The following MCM6 variants were observed in gnomAD, a reference collection of about 807,000 sequenced individuals.
MCM6 encodes the protein minichromosome maintenance complex component 6.
A neutral mutation model predicts 94.3 loss-of-function variants in MCM6; 46 were observed. The observed-to-expected ratio is 0.49, with a 90% CI of 0.39 to 0.62. The LOEUF (loss-of-function observed/expected upper bound fraction) is 0.62, where lower values mean the gene tolerates loss of function less well. Among genes scored for constraint, MCM6 ranks in the 20% least tolerant of loss-of-function variants. The probability of loss-of-function intolerance (pLI) is 0.00; values close to 1 mark genes in which losing one functional copy is unlikely to be tolerated. For missense variants in MCM6, 865 were observed against 1,017.9 expected, an observed-to-expected ratio of 0.85 and a Z score of 2.04; for synonymous variants, 335 against 351.9, an observed-to-expected ratio of 0.95 and a Z score of 0.54.
In MCM6 at chr2:135,846,258, G is replaced by A. The variant is rs1272729322; in HGVS notation, c.2188C>T (p.His730Tyr). The A allele has an allele frequency of 3.7e-6, 6 of 1,614,100 alleles. No homozygotes were observed. Among genetic ancestry groups the A allele is most frequent in the Non-Finnish European group, 5.1e-6 (6 of 1,179,978 alleles). Reference sequence around the variant, plus strand: ...TCACCTTCTTCCACCTTTCTGAGGTGAAGCACAATAAGGTTAGAGATTCGG... The same window carrying A: ...TCACCTTCTTCCACCTTTCTGAGGTAAAGCACAATAAGGTTAGAGATTCGG... ...YCRISNLIVL[H>Y]LRKVEEEEDE... is the part of the protein sequence containing the mutation. Residue 730 changes from histidine to tyrosine, a missense_variant, in exon 15 of 17, where the codon CAC becomes TAC. By Grantham distance (83) the His-to-Tyr change is moderately conservative (BLOSUM62 2). Around this residue, in one of 3 missense-constraint regions of MCM6, gnomAD observed 308 missense variants for 324.5 expected, o/e 0.95. Transcript: ENST00000264156.
chr2:135,854,027 G>T (rs931572086), intron 11 of MCM6, among the ~76,000 whole-genome samples: 2 of 152,116 alleles, frequency 1.3e-5, no homozygotes, highest in African/African-American at 4.8e-5. Flanking sequence ...AGGAGTTCAA[G>T]ACCAGTCCAG....
In MCM6 at chr2:135,872,863, A is replaced by G; in HGVS notation, c.108-20T>C. On this transcript the variant is annotated intron_variant, in intron 1 of 16. Transcript: ENST00000264156. Reference sequence around the variant, plus strand: ...TGAAACCTGCAGGTACATTCGAGTCAACTAGATTAAGGACACAGGCAGTAC... The same window carrying G: ...TGAAACCTGCAGGTACATTCGAGTCGACTAGATTAAGGACACAGGCAGTAC... 1 of 1,613,132 alleles carries G rather than the reference A, an allele frequency of 6.2e-7. No individual in the cohort carries two copies. Among genetic ancestry groups the G allele is most frequent in the African/African-American group, 1.3e-5 (1 of 75,024 alleles).
intron 16 of MCM6, among the ~76,000 whole-genome samples, chr2:135,844,273 A>G (rs1433966413): frequency 1.3e-5 from 2 of 152,182 alleles, no homozygotes; most frequent in Non-Finnish European, 2.9e-5. Flanking sequence ...AAGGGCAAAT[A>G]TGAGGATGGG....
intron 8 of MCM6, among the ~76,000 whole-genome samples, chr2:135,862,169 C>T (rs1017475080): frequency 1.3e-5 from 2 of 149,934 alleles, no homozygotes; most frequent in South Asian, 2.1e-4. Context: ...TTTTTCCATG[C>T]GAAAAGAAAC....
intron 1 of MCM6, among the ~76,000 whole-genome samples, chr2:135,875,085 T>C (rs4988144): frequency 7.0e-4 from 107 of 152,152 alleles, no homozygotes; most frequent in African/African-American, 2.5e-3. Flanking sequence ...TGAAAAGAGT[T>C]TGGAGCCGGA....
chr2:135,870,690 CTG>C (rs1300823551), intron 2 of MCM6, among the ~76,000 whole-genome samples: 8 of 152,178 alleles, frequency 5.3e-5, no homozygotes, highest in Admixed American at 3.9e-4. Flanking sequence ...ATGCTCAATA[CTG>C]TGAATTTTCT....
intron 6 of MCM6, 80 bp downstream of exon 6, chr2:135,866,052 T>C: frequency 6.6e-7 from 1 of 1,510,120 alleles, no homozygotes; most frequent in Non-Finnish European, 9.0e-7. Flanking sequence ...CAGTGAGCCA[T>C]GACTTTGCCA....
intron 4 of MCM6, 84 bp downstream of exon 4, chr2:135,868,527 T>C: frequency 2.9e-6 from 4 of 1,391,464 alleles, no homozygotes; most frequent in Non-Finnish European, 3.0e-6. Flanking sequence ...GAGTTGAACA[T>C]TATCTAAATA....
In MCM6 at chr2:135,840,923, G is replaced by A. The variant is rs376251365; in HGVS notation, c.2378C>T (p.Ala793Val). 31 of 1,613,836 alleles carry A rather than the reference G, an allele frequency of 1.9e-5. No homozygotes were observed. Among genetic ancestry groups the A allele is most frequent in the Non-Finnish European group, 2.4e-5 (28 of 1,179,876 alleles). The change falls in exon 17 of 17, where the codon GCT becomes GTT. Residue 793 changes from alanine to valine, a missense_variant. Coordinates refer to ENST00000264156, the MANE Select transcript of MCM6 (RefSeq NM_005915.6). ...TCCCTCTGTGGAGCCTTTCAATCCA[G>A]CCTGGGTGAGCTCAATTAGAACATG... ...YDHVLIELTQAGLKGSTEGSE... is the reference protein window; with the variant it reads ...YDHVLIELTQVGLKGSTEGSE...
At position 135,866,294 on chromosome 2, in the gene MCM6, GGTT is replaced by G. The variant is rs759117683; in HGVS notation, c.782-20_782-18del. ...CACGTGCTCCTGAAACAGAATGATA[GGTT>G]GTTTCACAACTTAAATATTAAAGGT... On this transcript the variant is annotated intron_variant, in intron 5 of 16. Coordinates refer to ENST00000264156, the MANE Select transcript of MCM6 (RefSeq NM_005915.6). The G allele has an allele frequency of 6.2e-7, 1 of 1,612,656 alleles. No individual in the cohort carries two copies. The highest frequency in any genetic ancestry group is 8.5e-7 in the Non-Finnish European group (1 of 1,179,198).
rs545777479 is a variant in MCM6, at chr2:135,846,109, G to T, written c.2209+128C>A. On this transcript the variant is annotated intron_variant, in intron 15 of 16. Transcript: ENST00000264156. ...TACTCCACAAATTTACTTTGCTAAAGTGAGTTTATCTAACAACTTATCCTC... is the reference window on the plus strand; with the variant it reads ...TACTCCACAAATTTACTTTGCTAAATTGAGTTTATCTAACAACTTATCCTC... 6 of 875,692 alleles carry T rather than the reference G, an allele frequency of 6.9e-6. No individual in the cohort carries two copies. In the East Asian group the frequency reaches 1.0e-4, roughly 15 times the overall value. 54.2% of individuals were successfully genotyped at this position (875,692 alleles called of 1,614,324 possible).
chr2:135,850,463 G>T (rs974955075), intron 13 of MCM6, among the ~76,000 whole-genome samples: 1 of 152,102 alleles, frequency 6.6e-6, no homozygotes, highest in African/African-American at 2.4e-5. Context: ...AGCAGCAATG[G>T]AAGGCAGGGG....
At chr2:135,843,392 A>G (rs999672143) in intron 16 of MCM6, among the ~76,000 whole-genome samples, 7 of 152,164 alleles carry the variant, frequency 4.6e-5, no homozygotes, top group Non-Finnish European at 1.0e-4. Context: ...AAACCAAATG[A>G]GATCACTTAG....
intron 7 of MCM6, among the ~76,000 whole-genome samples, chr2:135,864,080 C>A (rs1287413889): frequency 6.6e-6 from 1 of 152,052 alleles, no homozygotes; most frequent in Non-Finnish European, 1.5e-5. Context: ...CACTGCACTC[C>A]AGCCTGGGCG....
Position 135,856,898 on chromosome 2 carries a change from A to C in MCM6, c.1471-15T>G, listed in dbSNP as rs1311171079. The C allele has an allele frequency of 1.4e-5, 23 of 1,605,124 alleles. No homozygotes were observed. In the East Asian group the frequency reaches 5.1e-4, roughly 36 times the overall value. On this transcript the variant is annotated splice_polypyrimidine_tract_variant and intron_variant, in intron 10 of 16. Coordinates refer to ENST00000264156, the MANE Select transcript of MCM6 (RefSeq NM_005915.6). Reference sequence around the variant, plus strand: ...TTCAGAGTAGCCTGACCACAAAAGAAAGAATCTTAACAGATTTAAATAGAC... The same window carrying C: ...TTCAGAGTAGCCTGACCACAAAAGACAGAATCTTAACAGATTTAAATAGAC...
At chr2:135,854,435 C>A (rs925627898) in intron 11 of MCM6, among the ~76,000 whole-genome samples, 14 of 136,342 alleles carry the variant, frequency 1.0e-4, no homozygotes, top group Admixed American at 9.2e-4. Context: ...GAGGCTGAGG[C>A]AGGAGAATTA....
At chr2:135,856,091 T>C (rs538233212) in intron 11 of MCM6, among the ~76,000 whole-genome samples, 2 of 150,822 alleles carry the variant, frequency 1.3e-5, no homozygotes, top group East Asian at 1.9e-4. Flanking sequence ...TCAAGGTGAC[T>C]GAAAAATAAA....
At chr2:135,842,172 TTCCAAAG>T (rs1679585120) in intron 16 of MCM6, among the ~76,000 whole-genome samples, 1 of 152,140 alleles carries the variant, frequency 6.6e-6, no homozygotes, top group African/African-American at 2.4e-5. Flanking sequence ...TCACAGTGTG[TTCCAAAG>T]TCCTGAAGCA....
At chr2:135,857,113 C>T (rs1051421461) in intron 10 of MCM6, among the ~76,000 whole-genome samples, 2 of 152,096 alleles carry the variant, frequency 1.3e-5, no homozygotes, top group African/African-American at 2.4e-5. Flanking sequence ...AAGGATGTTG[C>T]GTTCAAGGAT....
Sources: allele counts gnomAD v4.1 joint callset (sites outside exome capture counted in the v4.1 genomes callset), GRCh38; gene constraint gnomAD v4.1.1; regional missense constraint gnomAD v4.1.1; transcripts MANE v1.5; gene names NCBI Gene and HGNC (gene_info 2026-07-23, HGNC 2026-07-21).